The following ANO2 variants were observed in gnomAD, a reference collection of about 807,000 sequenced individuals.
ANO2 encodes the protein anoctamin-2.
Under a neutral mutation model 124.2 loss-of-function variants are expected in ANO2, and 101 were observed. The observed-to-expected ratio is 0.81, with a 90% confidence interval of 0.69 to 0.96. The LOEUF is 0.96. ANO2 is among the 40% of genes least tolerant of loss of function. The pLI is 0.00. For missense variants in ANO2, 1,293 were observed against 1,274.5 expected, an observed-to-expected ratio of 1.01 and a Z score of -0.22; for synonymous variants, 486 against 482.5, an observed-to-expected ratio of 1.01 and a Z score of -0.09.
At chr12:5,809,977 G>A (rs1336210683) in intron 7 of ANO2, among the ~76,000 whole-genome samples, 1 of 152,182 alleles carries the variant, frequency 6.6e-6, no homozygotes, top group Non-Finnish European at 1.5e-5. Flanking sequence ...TTACACTCCA[G>A]CTGATTGTTC....
intron 10 of ANO2, among the ~76,000 whole-genome samples, chr12:5,791,744 T>C (rs1470225494): frequency 6.6e-6 from 1 of 152,142 alleles, no homozygotes; most frequent in African/African-American, 2.4e-5. Flanking sequence ...CTTCACAGGG[T>C]TGCTGTGAGG....
rs1565614619 is a variant in ANO2, at chr12:5,727,634, C to CTTT, written c.1545+4885_1545+4886insAAA. Among the ~76,000 whole-genome samples the CTTT allele has an allele frequency of 3.0e-5, 4 of 133,736 alleles. 1 individual carries two copies. Among genetic ancestry groups the CTTT allele is most frequent in the Non-Finnish European group, 4.8e-5 (3 of 62,404 alleles). 87.7% of individuals were successfully genotyped at this position (133,736 alleles called of 152,430 possible). ...GCAAGGAAGTCCATTCTCACCACTT[C>CTTT]CTTTTTTTTTTTTTTTTTTTTGAGA... On this transcript the variant is annotated intron_variant, in intron 14 of 24. Transcript: ENST00000682330.
intron 7 of ANO2, among the ~76,000 whole-genome samples, chr12:5,810,295 C>T (rs1041999776): frequency 1.3e-5 from 2 of 152,172 alleles, no homozygotes; most frequent in African/African-American, 4.8e-5. Context: ...TTTGCTTTGG[C>T]CTCCCCGTTC....
intron 12 of ANO2, among the ~76,000 whole-genome samples, 161 bp downstream of exon 12, chr12:5,743,996 T>C (rs1591558270): frequency 6.6e-6 from 1 of 152,124 alleles, no homozygotes; most frequent in Non-Finnish European, 1.5e-5. Context: ...TATTCACACA[T>C]ATGAGTAAAG....
chr12:5,914,343 G>T (rs1320293377), intron 3 of ANO2, among the ~76,000 whole-genome samples: 1 of 152,314 alleles, frequency 6.6e-6, no homozygotes, highest in East Asian at 1.9e-4. Flanking sequence ...AGGTTGAGAT[G>T]CCAGACATCC....
intron 14 of ANO2, among the ~76,000 whole-genome samples, chr12:5,695,303 C>A (rs955179229): frequency 7.4e-6 from 1 of 134,694 alleles, no homozygotes; most frequent in Non-Finnish European, 1.6e-5. Context: ...TGATATGGAA[C>A]GACTGACTCA....
chr12:5,799,258 T>A (rs1177558320), intron 10 of ANO2, among the ~76,000 whole-genome samples: 1 of 152,124 alleles, frequency 6.6e-6, no homozygotes, highest in Non-Finnish European at 1.5e-5. Context: ...AAGAGACCAA[T>A]GTTGAAGACC....
chr12:5,911,656 G>A (rs1325248940), intron 3 of ANO2, among the ~76,000 whole-genome samples: 2 of 152,188 alleles, frequency 1.3e-5, no homozygotes, highest in Admixed American at 6.5e-5. Context: ...CAGTCAGATA[G>A]GGAGATAATA....
chr12:5,589,974 G>A (rs530192066), intron 20 of ANO2, among the ~76,000 whole-genome samples: 7 of 152,176 alleles, frequency 4.6e-5, no homozygotes, highest in African/African-American at 9.6e-5. Flanking sequence ...ACTACACCTC[G>A]GAAGGAATAA....
chr12:5,867,628 G>C (rs73257236), intron 3 of ANO2, among the ~76,000 whole-genome samples: 1 of 152,096 alleles, frequency 6.6e-6, no homozygotes, highest in Non-Finnish European at 1.5e-5. Context: ...CATGGCTCTG[G>C]CTCCAGCAGA....
chr12:5,576,912 T>A (rs1401136575), intron 22 of ANO2, among the ~76,000 whole-genome samples: 1 of 152,242 alleles, frequency 6.6e-6, no homozygotes, highest in Non-Finnish European at 1.5e-5. Context: ...TTGTTATATG[T>A]CCTTTCATCA....
intron 3 of ANO2, among the ~76,000 whole-genome samples, chr12:5,875,288 A>G (rs1938017410): frequency 6.6e-6 from 1 of 152,236 alleles, no homozygotes; most frequent in Admixed American, 6.5e-5. Flanking sequence ...AGACCATGAG[A>G]TACTAAGAAG....
intron 14 of ANO2, among the ~76,000 whole-genome samples, chr12:5,653,509 AC>A (rs1301665307): frequency 6.6e-6 from 1 of 152,204 alleles, no homozygotes; most frequent in Non-Finnish European, 1.5e-5. Flanking sequence ...ACAACTGGTA[AC>A]TTTCCTTACT....
intron 14 of ANO2, among the ~76,000 whole-genome samples, chr12:5,662,500 AAAAGT>A (rs1193588353): frequency 6.6e-6 from 1 of 152,248 alleles, no homozygotes; most frequent in Non-Finnish European, 1.5e-5. Flanking sequence ...CTCTGGTCAG[AAAAGT>A]AAAGAAACAT....
At chr12:5,739,050 T>C (rs537284151) in intron 13 of ANO2, 5 of 603,362 alleles carry the variant, frequency 8.3e-6, no homozygotes, top group African/African-American at 5.5e-5. Context: ...GCCACCTCTT[T>C]CCCCAGAGGA....
intron 14 of ANO2, among the ~76,000 whole-genome samples, chr12:5,648,391 C>T (rs1171857466): frequency 6.6e-6 from 1 of 152,204 alleles, no homozygotes; most frequent in East Asian, 1.9e-4. Context: ...TCCCCCTCGT[C>T]ACAAATCCAA....
intron 3 of ANO2, among the ~76,000 whole-genome samples, chr12:5,913,535 G>C (rs1056927582): frequency 6.6e-6 from 1 of 152,236 alleles, no homozygotes; most frequent in African/African-American, 2.4e-5. Context: ...GAGAATCTCT[G>C]TGAATTCTGG....
Position 5,827,772 on chromosome 12 carries a change from T to A in ANO2, c.889A>T (p.Met297Leu), listed in dbSNP as rs746966390. 1 of 1,611,022 alleles carries A rather than the reference T, an allele frequency of 6.2e-7. No homozygotes were observed. Among genetic ancestry groups the A allele is most frequent in the Non-Finnish European group, 8.5e-7 (1 of 1,178,838 alleles). Residue 297 changes from methionine to leucine, a missense_variant, in exon 7 of 25, where the codon ATG becomes TTG. Physicochemically the swap from Met to Leu is conservative, Grantham distance 15 (BLOSUM62 2). Coordinates refer to ENST00000682330, the MANE Select transcript of ANO2 (RefSeq NM_001364791.2). ...GCCCGCGGGCTGGGGTCCTTACCCA[T>A]CGTGTTGTTGGCTCGGGAGCAGGCT... is the stretch of plus-strand genomic sequence containing the variant. The part of the protein sequence containing the change: ...RTACSRANNT[M>L]GINSLIANNI...
chr12:5,629,182 G>A (rs575536943), intron 16 of ANO2, among the ~76,000 whole-genome samples: 7 of 152,212 alleles, frequency 4.6e-5, no homozygotes, highest in South Asian at 4.1e-4. Context: ...GCACCACCCC[G>A]TACACCAGCC....
Sources: allele counts gnomAD v4.1 joint callset (sites outside exome capture counted in the v4.1 genomes callset), GRCh38; gene constraint gnomAD v4.1.1; transcripts MANE v1.5; gene names NCBI Gene and HGNC (gene_info 2026-07-23, HGNC 2026-07-21).